The following NXPE4 variants were observed in gnomAD, a reference collection of about 807,000 sequenced individuals.
NXPE4 encodes neurexophilin and PC-esterase domain family member 4, also known as NXPE family member 4.
NXPE4 carries 42 observed loss-of-function variants against 33.3 expected under a neutral mutation model. That is an observed-to-expected ratio of 1.26 (90% CI 0.98 to 1.63). The LOEUF (loss-of-function observed/expected upper bound fraction) is 1.63. Ranked by LOEUF, NXPE4 falls within the 40% of genes most tolerant of loss-of-function variation. NXPE4 has a pLI of 0.00. For synonymous variants in NXPE4, 253 were observed against 234.9 expected, an observed-to-expected ratio of 1.08 and a Z score of -0.71; for missense variants, 709 against 647.6, an observed-to-expected ratio of 1.09 and a Z score of -1.03.
chr11:114,665,675 G>T, the NXPE4 span, among the ~76,000 whole-genome samples: 2 of 152,178 alleles, frequency 1.3e-5, no homozygotes, highest in Non-Finnish European at 2.9e-5. Flanking sequence ...TAAATAATTT[G>T]TAATCTGGAG....
In NXPE4 at chr11:114,571,334, C is replaced by T; in HGVS notation, c.1239G>A (p.Met413Ile). 6.2e-7 allele frequency: 1 copy of T among 1,614,012 alleles called. No individual in the cohort carries two copies. The highest frequency in any genetic ancestry group is 1.7e-4 in the Middle Eastern group (1 of 6,058). ...TGTCAATGGCCCGGGTGAGGTACTC[C>T]ATCTCTTTGACTGAATAGGTCATTG... ...IGSMTYSVKE[M>I]EYLTRAIDRT... The change falls in exon 6 of 6, where the codon ATG becomes ATA. Residue 413 changes from methionine to isoleucine, a missense_variant. By Grantham distance (10) the Met-to-Ile change is conservative (BLOSUM62 1). Coordinates refer to ENST00000375478, the MANE Select transcript of NXPE4 (RefSeq NM_001077639.2).
intron 2 of NXPE4, among the ~76,000 whole-genome samples, 191 bp downstream of exon 2, chr11:114,594,473 T>C (rs1325452132): frequency 3.3e-5 from 5 of 152,214 alleles, no homozygotes; most frequent in Non-Finnish European, 7.4e-5. Context: ...AGAATGTGTA[T>C]GTGTGAACAC....
At chr11:114,580,563 GTA>G (rs1415471672) in intron 4 of NXPE4, among the ~76,000 whole-genome samples, 1 of 151,994 alleles carries the variant, frequency 6.6e-6, no homozygotes, top group Non-Finnish European at 1.5e-5. Context: ...CGTTATAAGA[GTA>G]TATGTTTCTT....
At chr11:114,572,390 A>G (rs1948911454) in intron 5 of NXPE4, among the ~76,000 whole-genome samples, 1 of 152,212 alleles carries the variant, frequency 6.6e-6, no homozygotes, top group Admixed American at 6.5e-5. Context: ...TGCAGGAAAA[A>G]TAATTTAGAA....
the NXPE4 span, among the ~76,000 whole-genome samples, chr11:114,651,167 A>G: frequency 4.1e-4 from 63 of 152,254 alleles, no homozygotes; most frequent in East Asian, 0.01. Flanking sequence ...GCTTACTTCA[A>G]GAATGAAGCC....
In NXPE4 at chr11:114,580,159, T is replaced by C. The variant is rs781312383; in HGVS notation, c.1072A>G (p.Met358Val). The C allele has an allele frequency of 1.2e-6, 2 of 1,614,060 alleles. No individual in the cohort carries two copies. The highest frequency in any genetic ancestry group is 1.7e-6 in the Non-Finnish European group (2 of 1,179,908). ...TTGATACTGGCTTTGAAGTATTCCA[T>C]CCACTGGCGGATCGTGGAATCTCCC... Reference protein sequence around the residue: ...LMGDSTIRQWMEYFKASINTL... With the variant: ...LMGDSTIRQWVEYFKASINTL... The change falls in exon 5 of 6, where the codon ATG becomes GTG. Residue 358 changes from methionine to valine, a missense_variant. Coordinates refer to ENST00000375478, the MANE Select transcript of NXPE4 (RefSeq NM_001077639.2).
chr11:114,643,638 C>T, the NXPE4 span, among the ~76,000 whole-genome samples: 4 of 152,002 alleles, frequency 2.6e-5, no homozygotes, highest in African/African-American at 9.7e-5. Flanking sequence ...GATACCAGTT[C>T]CATGCTGTTT....
chr11:114,617,938 A>G, the NXPE4 span, among the ~76,000 whole-genome samples: 1 of 151,936 alleles, frequency 6.6e-6, no homozygotes, highest in Non-Finnish European at 1.5e-5. Context: ...GCTGCATAAT[A>G]AGTATTGCCT....
chr11:114,623,923 G>T, the NXPE4 span, among the ~76,000 whole-genome samples: 2 of 152,020 alleles, frequency 1.3e-5, no homozygotes, highest in Non-Finnish European at 2.9e-5. Flanking sequence ...CTACCCAGTG[G>T]ATAATAAGAA....
chr11:114,616,069 G>A, the NXPE4 span, among the ~76,000 whole-genome samples: 1 of 151,640 alleles, frequency 6.6e-6, no homozygotes, highest in Admixed American at 6.6e-5. Flanking sequence ...TGCCTCATGG[G>A]TAAACACTGT....
At chr11:114,602,947 A>G in the NXPE4 span, among the ~76,000 whole-genome samples, 1 of 149,884 alleles carries the variant, frequency 6.7e-6, no homozygotes, top group African/African-American at 2.4e-5. Context: ...CAGAATCATA[A>G]TTATCTCATA....
rs1949185480 is a variant in NXPE4 at position 114,582,800 on chromosome 11, G to T, written c.318C>A (p.Asn106Lys). 1 of 1,614,184 alleles carries T rather than the reference G, an allele frequency of 6.2e-7. No individual in the cohort carries two copies. Among genetic ancestry groups the T allele is most frequent in the East Asian group, 2.2e-5 (1 of 44,880 alleles). Residue 106 changes from asparagine (N) to lysine (K), a missense_variant, in exon 3 of 6, where the codon AAC becomes AAA. Asn to Lys is a moderately conservative substitution (Grantham distance 94, BLOSUM62 0). Transcript: ENST00000375478. The part of the protein sequence containing the change: ...SATHSTATIL[N>K]PRDTYCRGDQ... Reference sequence around the variant, plus strand: ...CTCCCCTGCAGTACGTATCTCGAGGGTTGAGGATGGTGGCTGTGCTATGTG... The same window carrying T: ...CTCCCCTGCAGTACGTATCTCGAGGTTTGAGGATGGTGGCTGTGCTATGTG...
At chr11:114,587,570 A>G (rs1391257711) in intron 2 of NXPE4, among the ~76,000 whole-genome samples, 1 of 152,176 alleles carries the variant, frequency 6.6e-6, no homozygotes, top group Non-Finnish European at 1.5e-5. Flanking sequence ...ACTAATCCCA[A>G]TCCATTGGTT....
chr11:114,676,982 G>C, the NXPE4 span, among the ~76,000 whole-genome samples: 2 of 152,004 alleles, frequency 1.3e-5, no homozygotes, highest in African/African-American at 2.4e-5. Flanking sequence ...GAACCTGGAG[G>C]ACATTATGCT....
the NXPE4 span, among the ~76,000 whole-genome samples, chr11:114,609,415 CT>C: frequency 6.6e-6 from 1 of 151,662 alleles, no homozygotes; most frequent in Non-Finnish European, 1.5e-5. Context: ...CACTGTTACC[CT>C]GTGGATAATA....
At chr11:114,587,617 A>G (rs1190297843) in intron 2 of NXPE4, among the ~76,000 whole-genome samples, 1 of 152,198 alleles carries the variant, frequency 6.6e-6, no homozygotes, top group Non-Finnish European at 1.5e-5. Context: ...GCTTGCATCA[A>G]TGGATGGCAC....
At chr11:114,630,460 G>A in the NXPE4 span, among the ~76,000 whole-genome samples, 8 of 151,652 alleles carry the variant, frequency 5.3e-5, no homozygotes, top group East Asian at 9.7e-4. Flanking sequence ...TGGGAAAACT[G>A]GCTAGCCATA....
At chr11:114,637,292 A>T in the NXPE4 span, among the ~76,000 whole-genome samples, 2 of 151,160 alleles carry the variant, frequency 1.3e-5, no homozygotes, top group South Asian at 4.2e-4. Context: ...CAATCCCTGC[A>T]TTTTTTTGTT....
chr11:114,601,693 T>A, the NXPE4 span, among the ~76,000 whole-genome samples: 2 of 69,938 alleles, frequency 2.9e-5, no homozygotes, highest in African/African-American at 1.2e-4. Flanking sequence ...ATTATATATA[T>A]TTATAATTCT....
Sources: allele counts gnomAD v4.1 joint callset (sites outside exome capture counted in the v4.1 genomes callset), GRCh38; gene constraint gnomAD v4.1.1; transcripts MANE v1.5; gene names NCBI Gene and HGNC (gene_info 2026-07-23, HGNC 2026-07-21).